Variants in FGF12 observed in about 807,000 individuals in gnomAD.
The protein encoded by FGF12 is fibroblast growth factor 12.
A neutral mutation model predicts 23.6 loss-of-function variants in FGF12; 14 were observed. That is an observed-to-expected ratio of 0.59 (90% CI 0.39 to 0.93). The LOEUF (loss-of-function observed/expected upper bound fraction) is 0.93. Among genes scored for constraint, FGF12 ranks in the 40% least tolerant of loss-of-function variants. FGF12 has a pLI of 0.00. For synonymous variants in FGF12, 62 were observed against 77.3 expected, an observed-to-expected ratio of 0.80 and a Z score of 1.04; for missense variants, 175 against 217.8, an observed-to-expected ratio of 0.80 and a Z score of 1.24.
At chr3:192,606,594 T>A (rs1714347496) in intron 2 of FGF12, among the ~76,000 whole-genome samples, 1 of 152,142 alleles carries the variant, frequency 6.6e-6, no homozygotes, top group Admixed American at 6.6e-5. Flanking sequence ...CTAGGCACTA[T>A]CTAATTTATG....
chr3:192,157,932 C>T (rs1396306405), intron 5 of FGF12, among the ~76,000 whole-genome samples: 3 of 152,064 alleles, frequency 2.0e-5, no homozygotes, highest in African/African-American at 7.2e-5. Flanking sequence ...CTTTTAGTGG[C>T]CTGTTTTGCA....
At chr3:192,538,649 A>T (rs1039455629) in intron 2 of FGF12, among the ~76,000 whole-genome samples, 11 of 152,016 alleles carry the variant, frequency 7.2e-5, no homozygotes, top group South Asian at 2.1e-4. Context: ...AATTTTCAAA[A>T]TTTTTTTTCT....
intron 4 of FGF12, among the ~76,000 whole-genome samples, chr3:192,177,397 A>G (rs1182307460): frequency 6.6e-6 from 1 of 152,240 alleles, no homozygotes; most frequent in Non-Finnish European, 1.5e-5. Flanking sequence ...ACATCTGCTC[A>G]GAATAAAGTT....
At chr3:192,294,569 T>C (rs1361920941) in intron 4 of FGF12, among the ~76,000 whole-genome samples, 1 of 152,216 alleles carries the variant, frequency 6.6e-6, no homozygotes, top group East Asian at 1.9e-4. Flanking sequence ...GAAGCACAGA[T>C]ATCAGATCAT....
chr3:192,434,479 A>G (rs1220529569), intron 2 of FGF12, among the ~76,000 whole-genome samples: 1 of 152,186 alleles, frequency 6.6e-6, no homozygotes, highest in Non-Finnish European at 1.5e-5. Flanking sequence ...AGACTGCCAT[A>G]GGAGTAAGCT....
At chr3:192,265,993 T>C (rs535482924) in intron 4 of FGF12, among the ~76,000 whole-genome samples, 1 of 152,302 alleles carries the variant, frequency 6.6e-6, no homozygotes, top group South Asian at 2.1e-4. Flanking sequence ...AAAGAATTCA[T>C]TTAGCAGACT....
At chr3:192,446,427 G>A (rs150595509) in intron 2 of FGF12, among the ~76,000 whole-genome samples, 30 of 152,252 alleles carry the variant, frequency 2.0e-4, no homozygotes, top group African/African-American at 7.0e-4. Context: ...GATGTATCAC[G>A]GAAGCATTAA....
rs1333316090 is a variant in FGF12, at chr3:192,360,811, T to C, written c.14-273A>G. On this transcript the variant is annotated intron_variant, in intron 2 of 5. Transcript: ENST00000445105. This position sits in a 1 kb window ranked among gnomAD's most constrained non-coding sequence, Gnocchi z 4.3. ...CAGAGACATGCTAAAAAGTGAGTTA[T>C]TTTCCTCCTTTGTGCATCTGGTGTC... 3 of 419,224 alleles carry C rather than the reference T, an allele frequency of 7.2e-6. No individual in the cohort carries two copies. The highest frequency in any genetic ancestry group is 1.3e-5 in the Non-Finnish European group (3 of 227,482). The allele number at this position is 419,224 out of a possible 1,614,324, so 26.0% of individuals were successfully genotyped here.
intron 2 of FGF12, among the ~76,000 whole-genome samples, chr3:192,705,865 T>G (rs1221686230): frequency 6.6e-6 from 1 of 152,244 alleles, no homozygotes; most frequent in African/African-American, 2.4e-5. Flanking sequence ...CAACCATGTC[T>G]TATAATAGGA....
chr3:192,274,654 G>A lies in FGF12; in HGVS notation c.228+60707C>T, dbSNP rs1713667083. On this transcript the variant is annotated intron_variant, in intron 4 of 5. Coordinates refer to ENST00000445105, the MANE Select transcript of FGF12 (RefSeq NM_004113.6). ...ACTTACAGCTACTATCTAATCCCCT[G>A]GCTTTTCTGAAGTTGAAGCCAATAA... 2.0e-5 allele frequency among the ~76,000 whole-genome samples: 3 copies of A among 152,238 alleles called. No individual in the cohort carries two copies. In the South Asian group the frequency reaches 6.2e-4, roughly 32 times the overall value.
chr3:192,727,455 C>T (rs535850920), intron 1 of FGF12, 29 bp downstream of exon 1: 3 of 929,686 alleles, frequency 3.2e-6, no homozygotes, highest in South Asian at 3.7e-5. Context: ...GCACAGTGCC[C>T]GCTCAGATTT....
At chr3:192,430,162 T>A (rs1014319735) in intron 2 of FGF12, among the ~76,000 whole-genome samples, 2 of 151,944 alleles carry the variant, frequency 1.3e-5, no homozygotes, top group Non-Finnish European at 2.9e-5. Flanking sequence ...CCAAATGTGG[T>A]ATGTACCAAC....
At chr3:192,200,553 C>G (rs1318957623) in intron 4 of FGF12, among the ~76,000 whole-genome samples, 3 of 152,144 alleles carry the variant, frequency 2.0e-5, no homozygotes, top group Non-Finnish European at 2.9e-5. Flanking sequence ...TTGTTTCCCC[C>G]ATATGTGTAC....
At chr3:192,492,956 A>ATTT (rs766838831) in intron 2 of FGF12, among the ~76,000 whole-genome samples, 8 of 121,600 alleles carry the variant, frequency 6.6e-5, no homozygotes, top group East Asian at 2.4e-4. Flanking sequence ...AATTTTTGTA[A>ATTT]TTTTTTTTTT....
At chr3:192,660,362 G>A (rs1236011570) in intron 2 of FGF12, among the ~76,000 whole-genome samples, 13 of 116,372 alleles carry the variant, frequency 1.1e-4, no homozygotes, top group Non-Finnish European at 2.1e-4. Flanking sequence ...GCCTGTTGTG[G>A]GGTGGGGGGA....
At chr3:192,173,865 G>A (rs1450285825) in intron 4 of FGF12, among the ~76,000 whole-genome samples, 6 of 152,166 alleles carry the variant, frequency 3.9e-5, no homozygotes, top group African/African-American at 1.4e-4. Flanking sequence ...ATGTAAATTT[G>A]AAGATAGATA....
At chr3:192,629,702 G>A (rs1240006779) in intron 2 of FGF12, among the ~76,000 whole-genome samples, 2 of 152,116 alleles carry the variant, frequency 1.3e-5, no homozygotes, top group Non-Finnish European at 2.9e-5. Flanking sequence ...AAAGTACAAA[G>A]GCAAATGATG....
At chr3:192,227,580 T>TA (rs778525112) in intron 4 of FGF12, among the ~76,000 whole-genome samples, 1,664 of 60,200 alleles carry the variant, frequency 0.028, 13 homozygotes, top group African/African-American at 0.077. Flanking sequence ...GAACTTAAAG[T>TA]AAAAAAAAAA....
At chr3:192,227,570 G>C (rs1473072088) in intron 4 of FGF12, among the ~76,000 whole-genome samples, 2 of 85,358 alleles carry the variant, frequency 2.3e-5, no homozygotes, top group Non-Finnish European at 4.7e-5. Context: ...TTAGTGCTCA[G>C]AACTTAAAGT....
Sources: allele counts gnomAD v4.1 joint callset (sites outside exome capture counted in the v4.1 genomes callset), GRCh38; gene constraint gnomAD v4.1.1; non-coding constraint Gnocchi (gnomAD v3.1); transcripts MANE v1.5; gene names NCBI Gene and HGNC (gene_info 2026-07-23, HGNC 2026-07-21).